SELP: variants seen among roughly 807,000 people sequenced by gnomAD.
SELP encodes selectin P.
In SELP, 92 loss-of-function variants were observed where a neutral mutation model predicts 104.1. The observed-to-expected ratio is 0.88, with a 90% CI of 0.75 to 1.05. The LOEUF (loss-of-function observed/expected upper bound fraction) is 1.05. Among genes scored for constraint, SELP ranks in the 50% least tolerant of loss-of-function variants. The pLI is 0.00. For missense variants in SELP, 1,022 were observed against 1,017.3 expected, an observed-to-expected ratio of 1.00 and a Z score of -0.06; for synonymous variants, 397 against 364.5, an observed-to-expected ratio of 1.09 and a Z score of -1.01.
At chr1:169,595,807 G>A (rs1371508177) in intron 12 of SELP, 118 bp downstream of exon 12, 7 of 817,172 alleles carry the variant, frequency 8.6e-6, no homozygotes, top group Non-Finnish European at 1.4e-5. Context: ...TTTCATAAGG[G>A]AGATGACACT....
chr1:169,605,598 CTA>C (rs1462597256), intron 9 of SELP, among the ~76,000 whole-genome samples: 2 of 151,940 alleles, frequency 1.3e-5, no homozygotes, highest in African/African-American at 2.4e-5. Flanking sequence ...TGTTGAAAGT[CTA>C]TACAAAGTGA....
intron 8 of SELP, 29 bp from the exon 9 acceptor site, chr1:169,607,163 A>G (rs1184619506): frequency 6.4e-7 from 1 of 1,567,860 alleles, no homozygotes; most frequent in African/African-American, 1.4e-5. Flanking sequence ...AGGAATAAAG[A>G]AACAGTAATA....
At chr1:169,609,717 C>T in intron 7 of SELP, 28 bp from the exon 8 acceptor site, 1 of 1,583,736 alleles carries the variant, frequency 6.3e-7, no homozygotes, top group Non-Finnish European at 8.6e-7. Context: ...CTTCTAAAGC[C>T]AGGTAATGGA....
chr1:169,617,076 A>G lies in SELP; in HGVS notation c.433T>C (p.Trp145Arg). 5.0e-6 allele frequency: 8 copies of G among 1,613,278 alleles called. No individual in the cohort carries two copies. The highest frequency in any genetic ancestry group is 6.8e-6 in the Non-Finnish European group (8 of 1,179,802). ...YIKSPSAPGKWNDEHCLKKKH... is the reference protein window; with the variant it reads ...YIKSPSAPGKRNDEHCLKKKH... ...TTCTTCAAGCAGTGCTCATCATTCC[A>G]CTTGCCAGGGGCTGACGGACTCTTG... The change falls in exon 3 of 17, where the codon TGG (tryptophan) becomes CGG (arginine). Residue 145 changes from tryptophan (W) to arginine (R), a missense_variant. Physicochemically the swap from Trp to Arg is moderately radical, Grantham distance 101. Transcript: ENST00000263686.
At position 169,588,981 on chromosome 1, in the gene SELP, G is replaced by A. The variant is rs1661213860; in HGVS notation, c.*482C>T. 1 of 152,076 alleles carries A rather than the reference G, an allele frequency of 6.6e-6. No homozygotes were observed. Among genetic ancestry groups the A allele is most frequent in the Non-Finnish European group, 1.5e-5 (1 of 68,032 alleles). The allele number at this position is 152,076 out of a possible 1,614,324, so 9.4% of individuals were successfully genotyped here. ...TGATTCTTGGCCTTCTGCAGCCTCT[G>A]GTGCCATCCAGAGGACTCTCTGGAA... On this transcript the variant is annotated 3_prime_UTR_variant, in exon 17 of 17. Coordinates refer to ENST00000263686, the MANE Select transcript of SELP (RefSeq NM_003005.4).
chr1:169,600,378 T>G (rs1661841706), intron 10 of SELP, among the ~76,000 whole-genome samples: 1 of 152,178 alleles, frequency 6.6e-6, no homozygotes, highest in Non-Finnish European at 1.5e-5. Flanking sequence ...TAAAGGAGAA[T>G]GTATGTAGGT....
At chr1:169,594,951 C>A (rs768931017) in intron 12 of SELP, 74 bp from the exon 13 acceptor site, 20 of 1,331,078 alleles carry the variant, frequency 1.5e-5, no homozygotes, top group Non-Finnish European at 1.8e-5. Flanking sequence ...TCTTTTGTAA[C>A]CTAACATTGC....
At position 169,590,159 on chromosome 1, in the gene SELP, G is replaced by T; in HGVS notation, c.2482C>A (p.Pro828Thr). 1 of 1,612,000 alleles carries T rather than the reference G, an allele frequency of 6.2e-7. No homozygotes were observed. Among genetic ancestry groups the T allele is most frequent in the Non-Finnish European group, 8.5e-7 (1 of 1,178,140 alleles). Residue 828 changes from proline (P) to threonine (T), a missense_variant, in exon 16 of 17, where the codon CCG becomes ACG. Transcript: ENST00000263686. The stretch of plus-strand genomic sequence containing the variant: ...ATAGGGATCTTACCTTAAGGACTCG[G>T]GTCAAATGCAGCGTTTGTAAAAACT... ...YGVFTNAAFD[P>T]SP
chr1:169,616,955 T>TCGCTG, intron 3 of SELP, 73 bp downstream of exon 3: 16 of 1,349,928 alleles, frequency 1.2e-5, no homozygotes, highest in South Asian at 1.0e-4. Flanking sequence ...GACTCGGTGG[T>TCGCTG]TATGTTGGCC....
Position 169,606,932 on chromosome 1 carries a change from A to G in SELP, c.1519+17T>C. The G allele has an allele frequency of 6.2e-7, 1 of 1,604,452 alleles. No individual in the cohort carries two copies. Among genetic ancestry groups the G allele is most frequent in the Non-Finnish European group, 8.5e-7 (1 of 1,175,132 alleles). Reference sequence around the variant, plus strand: ...CTACAATTTATTTCCATGATGTTAGAAAGAATACACTCTTACCTTGGCATT... The same window carrying G: ...CTACAATTTATTTCCATGATGTTAGGAAGAATACACTCTTACCTTGGCATT... On this transcript the variant is annotated intron_variant, in intron 9 of 16. Transcript: ENST00000263686.
intron 14 of SELP, 54 bp from the exon 15 acceptor site, chr1:169,591,510 AAG>A (rs973206453): frequency 3.1e-6 from 4 of 1,290,878 alleles, no homozygotes; most frequent in Non-Finnish European, 4.4e-6. Flanking sequence ...AACAAGATGA[AAG>A]AGAGGGTCAT....
Position 169,603,159 on chromosome 1 carries a change from A to G in SELP, c.1572T>C (p.Val524=), listed in dbSNP as rs113737706. The change falls in exon 10 of 17, where the codon GTT becomes GTC. Residue 524 remains valine (V), a synonymous_variant. Transcript: ENST00000263686. ...TATAACTGGAACTTCCAAGAGGTTG[A>G]ACACAGGTCATTGTTCCATTCTGAG... ...LSPQNGTMTC[V]QPLGSSSYKS... is the part of the protein sequence containing the mutation. The G allele has an allele frequency of 1.2e-4, 186 of 1,614,108 alleles. No homozygotes were observed. The African/African-American group carries it at 1.8e-3, about 15-fold the overall frequency.
Position 169,603,211 on chromosome 1 carries a change from G to A in SELP, c.1520C>T (p.Ala507Val). Residue 507 changes from alanine (A) to valine (V), a missense_variant and splice_region_variant, in exon 10 of 17, where the codon GCC (alanine) becomes GTC (valine). Physicochemically the swap from Ala to Val is moderately conservative, Grantham distance 64. Transcript: ENST00000263686. ...NWNSVPPECQAIPCTPLLSPQ... is the reference protein window; with the variant it reads ...NWNSVPPECQVIPCTPLLSPQ... ...GCTTAGCAAAGGTGTGCAGGGAATG[G>A]CTATCATGGGCATGGCAGAGGAGAA... 1 of 1,608,142 alleles carries A rather than the reference G, an allele frequency of 6.2e-7. No individual in the cohort carries two copies. The highest frequency in any genetic ancestry group is 2.2e-5 in the East Asian group (1 of 44,706).
At chr1:169,619,616 G>A (rs1662991682) in intron 1 of SELP, among the ~76,000 whole-genome samples, 1 of 152,134 alleles carries the variant, frequency 6.6e-6, no homozygotes, top group South Asian at 2.1e-4. Context: ...AGTCACATGA[G>A]AACTTCCTGA....
chr1:169,610,313 C>A (rs1425605659), intron 7 of SELP, among the ~76,000 whole-genome samples: 1 of 152,112 alleles, frequency 6.6e-6, no homozygotes, highest in East Asian at 1.9e-4. Context: ...CAAGTGAGTG[C>A]AGCCAAAGTG....
intron 10 of SELP, among the ~76,000 whole-genome samples, chr1:169,602,733 TC>T (rs1210940387): frequency 2.0e-5 from 3 of 152,108 alleles, no homozygotes; most frequent in Non-Finnish European, 2.9e-5. Context: ...TGCCTCAGCC[TC>T]CCGAGTAGCT....
In SELP at chr1:169,596,044, G is replaced by T. The variant is rs3917814; in HGVS notation, c.1982C>A (p.Thr661Asn). The T allele has an allele frequency of 4.8e-4, 772 of 1,613,942 alleles. 4 individuals are homozygous for T. The African/African-American group carries it at 9.0e-3, about 19-fold the overall frequency. ...GTMYCRHHPG[T>N]FGFNTTCYFG... Reference sequence around the variant, plus strand: ...GTAACAAGTGGTATTAAAACCAAAGGTTCCCGGATGATGCCTACAGTACAT... The same window carrying T: ...GTAACAAGTGGTATTAAAACCAAAGTTTCCCGGATGATGCCTACAGTACAT... Residue 661 changes from threonine (T) to asparagine (N), a missense_variant, in exon 12 of 17, where the codon ACC becomes AAC. Coordinates refer to ENST00000263686, the MANE Select transcript of SELP (RefSeq NM_003005.4).
chr1:169,609,615 A>C lies in SELP; in HGVS notation c.1222T>G (p.Tyr408Asp). ...CAGCGGAAGCTACAGTTGGTGTCATACTGAAACGCTCTCAAGGATGGAGAG... is the reference window on the plus strand; with the variant it reads ...CAGCGGAAGCTACAGTTGGTGTCATCCTGAAACGCTCTCAAGGATGGAGAG... ...DCSPSLRAFQ[Y>D]DTNCSFRCAE... The change falls in exon 8 of 17, where the codon TAT (tyrosine) becomes GAT (aspartate). Residue 408 changes from tyrosine to aspartate, a missense_variant. Tyr to Asp is a radical substitution (Grantham distance 160, BLOSUM62 -3). Transcript: ENST00000263686. 1.9e-6 allele frequency: 3 copies of C among 1,614,046 alleles called. No homozygotes were observed. Among genetic ancestry groups the C allele is most frequent in the Non-Finnish European group, 2.5e-6 (3 of 1,179,958 alleles).
At chr1:169,628,562 G>T (rs535801384) in intron 1 of SELP, among the ~76,000 whole-genome samples, 1 of 152,168 alleles carries the variant, frequency 6.6e-6, no homozygotes, top group Non-Finnish European at 1.5e-5. Context: ...AATCGAGAAG[G>T]GTTCTTACCC....
Sources: gnomAD v4.1 joint callset for allele counts (sites outside exome capture counted in the v4.1 genomes callset) on GRCh38, gnomAD v4.1.1 for gene constraint, MANE v1.5 for transcripts, NCBI Gene and HGNC (gene_info 2026-07-23, HGNC 2026-07-21) for gene names.